Variants in RYR3 observed in about 807,000 individuals in gnomAD.
The protein encoded by RYR3 is ryanodine receptor 3.
Under a neutral mutation model 584.3 loss-of-function variants are expected in RYR3, and 207 were observed. That is an observed-to-expected ratio of 0.35 (90% CI 0.32 to 0.40). RYR3 has a LOEUF of 0.40. Ranked by LOEUF, RYR3 falls within the 10% of genes least tolerant of loss-of-function variation. RYR3 has a pLI of 1.00. For synonymous variants in RYR3, 2,416 were observed against 2,248.5 expected (o/e 1.07, Z -2.11); for missense variants, 5,616 against 6,089.2 (o/e 0.92, Z 2.59).
chr15:33,589,588 T>C lies in RYR3; in HGVS notation c.1788+3472T>C, dbSNP rs370250266. On this transcript the variant is annotated intron_variant, in intron 16 of 103. Coordinates refer to ENST00000634891, the MANE Select transcript of RYR3 (RefSeq NM_001036.6). The stretch of plus-strand genomic sequence containing the variant: ...GATTTACTTCTAGGATTTTCATAGT[T>C]TCAGGTCTTACACTTAAGTCTTTAA... 5.3e-5 allele frequency among the ~76,000 whole-genome samples: 8 copies of C among 152,330 alleles called. No homozygotes were observed. In the South Asian group the frequency reaches 1.5e-3, roughly 28 times the overall value.
At chr15:33,515,347 T>G (rs2053417365) in intron 3 of RYR3, among the ~76,000 whole-genome samples, 1 of 152,140 alleles carries the variant, frequency 6.6e-6, no homozygotes, top group African/African-American at 2.4e-5. Flanking sequence ...ACTTTGATGG[T>G]GCAGGGCAGG....
At chr15:33,395,101 G>T (rs2042222266) in intron 1 of RYR3, among the ~76,000 whole-genome samples, 1 of 152,172 alleles carries the variant, frequency 6.6e-6, no homozygotes, top group Non-Finnish European at 1.5e-5. Flanking sequence ...GTTATTCCAA[G>T]GACTGTGAAC....
chr15:33,662,300 C>A lies in RYR3; in HGVS notation c.4770C>A (p.Phe1590Leu), dbSNP rs773082058. Reference protein sequence around the residue: ...LCSHVDLSQLFYAIDNKYLPG... With the variant: ...LCSHVDLSQLLYAIDNKYLPG... ...GCCACGTGGACCTCTCCCAGCTCTTCTATGCCATTGACAACAAGTACCTCC... is the reference window on the plus strand; with the variant it reads ...GCCACGTGGACCTCTCCCAGCTCTTATATGCCATTGACAACAAGTACCTCC... Residue 1590 changes from phenylalanine to leucine, a missense_variant, in exon 35 of 104, where the codon TTC becomes TTA. Physicochemically the swap from Phe to Leu is conservative, Grantham distance 22. Transcript: ENST00000634891. 1.2e-6 allele frequency: 2 copies of A among 1,611,550 alleles called. No individual in the cohort carries two copies. The highest frequency in any genetic ancestry group is 2.2e-5 in the South Asian group (2 of 90,272).
intron 69 of RYR3, among the ~76,000 whole-genome samples, chr15:33,806,032 C>A (rs2076189980): frequency 6.6e-6 from 1 of 151,770 alleles, no homozygotes; most frequent in African/African-American, 2.4e-5. Context: ...GCTTCGCATT[C>A]TCAGACCGAC....
At chr15:33,579,362 C>T (rs181002771) in intron 12 of RYR3, among the ~76,000 whole-genome samples, 39 of 152,030 alleles carry the variant, frequency 2.6e-4, no homozygotes, top group African/African-American at 8.7e-4. Context: ...CACATAGAGA[C>T]GTGGAGGGGG....
rs1198173429 is a variant in RYR3 at position 33,837,695 on chromosome 15, T to C, written c.11715T>C (p.Asn3905=). The C allele has an allele frequency of 1.2e-6, 2 of 1,608,548 alleles. No homozygotes were observed. Among genetic ancestry groups the C allele is most frequent in the Non-Finnish European group, 1.7e-6 (2 of 1,177,038 alleles). The change falls in exon 89 of 104, where the codon AAT becomes AAC. Residue 3905 remains asparagine, a synonymous_variant. Transcript: ENST00000634891. ...MVDTLVESST[N]VEMILKFFDM... is the part of the protein sequence containing the mutation. ...ACACACTGGTAGAATCATCTACCAA[T>C]GTAGAAATGATCTTGAAATTCTTTG...
At chr15:33,397,526 C>T (rs955995223) in intron 1 of RYR3, among the ~76,000 whole-genome samples, 1 of 152,176 alleles carries the variant, frequency 6.6e-6, no homozygotes, top group Admixed American at 6.5e-5. Flanking sequence ...GAGAAAGTTA[C>T]TGAAAGCAGT....
At chr15:33,775,041 A>AT (rs2073898033) in intron 64 of RYR3, among the ~76,000 whole-genome samples, 1 of 152,048 alleles carries the variant, frequency 6.6e-6, no homozygotes, top group South Asian at 2.1e-4. Context: ...TGAAAAAAAA[A>AT]AAAGTCAAAA....
At chr15:33,777,602 T>C (rs912641934) in intron 64 of RYR3, among the ~76,000 whole-genome samples, 2 of 151,956 alleles carry the variant, frequency 1.3e-5, no homozygotes, top group Non-Finnish European at 2.9e-5. Flanking sequence ...GTGGAGCTTG[T>C]GGAGTGGTCA....
intron 1 of RYR3, among the ~76,000 whole-genome samples, chr15:33,448,931 A>G (rs2046890393): frequency 6.6e-6 from 1 of 152,084 alleles, no homozygotes; most frequent in Non-Finnish European, 1.5e-5. Flanking sequence ...CGTCTTCCAC[A>G]GGTTTAGAAA....
intron 1 of RYR3, among the ~76,000 whole-genome samples, chr15:33,422,308 T>C (rs2044295127): frequency 6.6e-6 from 1 of 152,196 alleles, no homozygotes; most frequent in Non-Finnish European, 1.5e-5. Context: ...ATACAGGTGA[T>C]CAGAATCTTT....
intron 1 of RYR3, among the ~76,000 whole-genome samples, chr15:33,436,027 C>T (rs1380429372): frequency 6.7e-6 from 1 of 150,024 alleles, no homozygotes; most frequent in Non-Finnish European, 1.5e-5. Flanking sequence ...GTCCATTTTA[C>T]AAAGTGCTGA....
intron 1 of RYR3, among the ~76,000 whole-genome samples, chr15:33,417,755 T>A (rs1482701973): frequency 6.6e-6 from 1 of 152,202 alleles, no homozygotes; most frequent in Admixed American, 6.5e-5. Context: ...CATCCTTGTC[T>A]TGTTCCGGTT....
chr15:33,397,710 G>A (rs2042382692), intron 1 of RYR3, among the ~76,000 whole-genome samples: 1 of 152,194 alleles, frequency 6.6e-6, no homozygotes, highest in South Asian at 2.1e-4. Context: ...GAGAATCATA[G>A]TTTATTCTTT....
chr15:33,339,419 A>G (rs900803895), intron 1 of RYR3, among the ~76,000 whole-genome samples: 1 of 152,250 alleles, frequency 6.6e-6, no homozygotes, highest in East Asian at 1.9e-4. Flanking sequence ...AAGAGATGAC[A>G]GAAGTGTCTT....
At chr15:33,588,478 AAAT>A (rs2152528158) in intron 16 of RYR3, among the ~76,000 whole-genome samples, 2 of 152,332 alleles carry the variant, frequency 1.3e-5, no homozygotes, top group African/African-American at 4.8e-5. Context: ...ATTTATAAAA[AAAT>A]AAGGGGTACA....
At chr15:33,714,680 A>T (rs759480654) in intron 43 of RYR3, among the ~76,000 whole-genome samples, 1 of 152,248 alleles carries the variant, frequency 6.6e-6, no homozygotes, top group Non-Finnish European at 1.5e-5. Flanking sequence ...CCCAGACTAC[A>T]AACTTAGTTT....
At chr15:33,500,499 A>G (rs1274314038) in intron 2 of RYR3, among the ~76,000 whole-genome samples, 4 of 152,196 alleles carry the variant, frequency 2.6e-5, no homozygotes, top group African/African-American at 9.6e-5. Flanking sequence ...AGTGAATCCT[A>G]GTTCCTGGCT....
At chr15:33,411,401 TA>T (rs1398170746) in intron 1 of RYR3, among the ~76,000 whole-genome samples, 1 of 152,148 alleles carries the variant, frequency 6.6e-6, no homozygotes, top group Non-Finnish European at 1.5e-5. Context: ...TCACTGCAAA[TA>T]TTGAAGCAAA....
Sources: gnomAD v4.1 joint callset for allele counts (sites outside exome capture counted in the v4.1 genomes callset) on GRCh38, gnomAD v4.1.1 for gene constraint, MANE v1.5 for transcripts, NCBI Gene and HGNC (gene_info 2026-07-23, HGNC 2026-07-21) for gene names.